The following FAM133B variants were observed in gnomAD, a reference collection of about 807,000 sequenced individuals.
FAM133B encodes family with sequence similarity 133 member B.
In FAM133B, 25 loss-of-function variants were observed where a neutral mutation model predicts 46.4. That is an observed-to-expected ratio of 0.54 (90% confidence interval 0.39 to 0.75). FAM133B has a LOEUF of 0.75. Among genes scored for constraint, FAM133B ranks in the 30% least tolerant of loss-of-function variants. FAM133B has a pLI of 0.00. For synonymous variants in FAM133B, 75 were observed against 86.0 expected (o/e 0.87, Z 0.71); for missense variants, 205 against 277.6 (o/e 0.74, Z 1.86).
At chr7:92,577,051 AACTT>A (rs910013097) in intron 7 of FAM133B, 48 bp downstream of exon 7, 43 of 1,175,358 alleles carry the variant, frequency 3.7e-5, no homozygotes, top group Non-Finnish European at 4.7e-5. Flanking sequence ...TAGGCAGAAA[AACTT>A]AATTAAATGT....
At chr7:92,589,021 GGCT>G (rs751483066) in intron 1 of FAM133B, among the ~76,000 whole-genome samples, 4 of 152,082 alleles carry the variant, frequency 2.6e-5, no homozygotes, top group Non-Finnish European at 5.9e-5. Context: ...TGCAAGAACT[GGCT>G]ACTACAGATG....
At chr7:92,573,066 A>C (rs1157255466) in intron 8 of FAM133B, among the ~76,000 whole-genome samples, 1 of 152,082 alleles carries the variant, frequency 6.6e-6, no homozygotes, top group Non-Finnish European at 1.5e-5. Context: ...ATTTATGAAC[A>C]CATACTAATA....
chr7:92,566,903 G>A (rs942839870), intron 9 of FAM133B, among the ~76,000 whole-genome samples: 1 of 152,150 alleles, frequency 6.6e-6, no homozygotes, highest in South Asian at 2.1e-4. Context: ...TTTTGAGTGT[G>A]GTACACTGGA....
rs143115660 is a variant in FAM133B, at chr7:92,588,692, G to A, written c.24+1576C>T. Among the ~76,000 whole-genome samples the A allele has an allele frequency of 2.7e-3, 414 of 152,250 alleles. 2 individuals carry two copies. Among genetic ancestry groups the A allele is most frequent in the African/African-American group, 9.4e-3 (390 of 41,530 alleles). ...CCCAATGTTGGAGGTGGGGCCTGGT[G>A]GGAGGTGACTGGATCATGGGGGCGG... is the stretch of plus-strand genomic sequence containing the variant. On this transcript the variant is annotated intron_variant, in intron 1 of 10. Coordinates refer to ENST00000445716, the MANE Select transcript of FAM133B (RefSeq NM_152789.4).
intron 8 of FAM133B, among the ~76,000 whole-genome samples, chr7:92,570,220 T>A (rs1794485347): frequency 6.6e-6 from 1 of 152,152 alleles, no homozygotes; most frequent in Non-Finnish European, 1.5e-5. Flanking sequence ...GGTTCCTTTG[T>A]ATTCTAATTC....
At chr7:92,587,906 G>A (rs1217358441) in intron 1 of FAM133B, among the ~76,000 whole-genome samples, 1 of 152,086 alleles carries the variant, frequency 6.6e-6, no homozygotes, top group Non-Finnish European at 1.5e-5. Flanking sequence ...CTATGCACGA[G>A]TGGGGTCAGG....
intron 7 of FAM133B, among the ~76,000 whole-genome samples, 157 bp downstream of exon 7, chr7:92,576,946 T>A (rs1203282190): frequency 2.6e-5 from 4 of 152,212 alleles, no homozygotes; most frequent in African/African-American, 7.2e-5. Flanking sequence ...TTATTAAATG[T>A]CACATGCAAG....
chr7:92,582,736 AT>A lies in FAM133B; in HGVS notation c.25-1134del, dbSNP rs1400173701. ...AAATGGCCAATAAACACATAAAAAA[AT>A]GTTCAATATCACTAGTCATTAGGGA... On this transcript the variant is annotated intron_variant, in intron 1 of 10. Transcript: ENST00000445716. 2.6e-5 allele frequency among the ~76,000 whole-genome samples: 4 copies of A among 152,376 alleles called. No individual in the cohort carries two copies. In the South Asian group the frequency reaches 6.2e-4, roughly 24 times the overall value.
Position 92,569,859 on chromosome 7 carries a change from T to C in FAM133B, c.573A>G (p.Ser191=). The change falls in exon 9 of 11, where the codon TCA becomes TCG. Residue 191 remains serine, a synonymous_variant. Coordinates refer to ENST00000445716, the MANE Select transcript of FAM133B (RefSeq NM_152789.4). ...RKMYSEDKPL[S]SESLSESEYI... is the part of the protein sequence containing the mutation. ...ACTCTGATTCTGACAAGGACTCAGA[T>C]GATAAAGGTTTATCTTCAGAATACA... 6.9e-7 allele frequency: 1 copy of C among 1,445,140 alleles called. No individual in the cohort carries two copies. The highest frequency in any genetic ancestry group is 9.1e-7 in the Non-Finnish European group (1 of 1,100,712). The allele number at this position is 1,445,140 out of a possible 1,614,324, so 89.5% of individuals were successfully genotyped here. A position where few individuals can be genotyped will look rare whatever the true frequency, so the allele number is the denominator to read the frequency against.
chr7:92,581,695 TA>T, intron 1 of FAM133B, 92 bp from the exon 2 acceptor site: 1 of 933,134 alleles, frequency 1.1e-6, no homozygotes, highest in East Asian at 2.5e-5. Flanking sequence ...TATAAATGCA[TA>T]ATATATCCAG....
At chr7:92,590,141 TG>T in intron 1 of FAM133B, 126 bp downstream of exon 1, 1 of 1,431,322 alleles carries the variant, frequency 7.0e-7, no homozygotes, top group Non-Finnish European at 9.7e-7. Context: ...CGGAGGGTGC[TG>T]GGTCTCCAGG....
chr7:92,579,380 C>G lies in FAM133B; in HGVS notation c.138G>C (p.Glu46Asp), dbSNP rs1394691242. 1 of 1,606,614 alleles carries G rather than the reference C, an allele frequency of 6.2e-7. No homozygotes were observed. The highest frequency in any genetic ancestry group is 2.2e-5 in the East Asian group (1 of 44,788). The change falls in exon 3 of 11, where the codon GAG (glutamate) becomes GAC (aspartate). Residue 46 changes from glutamate (E) to aspartate (D), a missense_variant. Glu to Asp is a conservative substitution (Grantham distance 45). Transcript: ENST00000445716. ...RPRPTWEEVK[E>D]QLEKKKKGSK... ...AGCCTTTCTTTTTCTTTTCTAGTTG[C>G]TCTTTTACTTCTTCCCTTAAAAAAT...
intron 10 of FAM133B, chr7:92,565,665 GTGTTAGCCA>G (rs1794325511): frequency 5.2e-6 from 1 of 192,792 alleles, no homozygotes; most frequent in Non-Finnish European, 1.1e-5. Context: ...GGGTTTCACC[GTGTTAGCCA>G]GGATGGTCTC....
At chr7:92,589,531 A>C (rs1183913767) in intron 1 of FAM133B, among the ~76,000 whole-genome samples, 2 of 152,212 alleles carry the variant, frequency 1.3e-5, no homozygotes, top group African/African-American at 2.4e-5. Flanking sequence ...GGTTGTAGAT[A>C]ATAATGATCC....
intron 1 of FAM133B, among the ~76,000 whole-genome samples, chr7:92,589,302 C>A (rs1795122841): frequency 6.6e-6 from 1 of 152,210 alleles, no homozygotes; most frequent in Non-Finnish European, 1.5e-5. Context: ...CCCCTCCCCG[C>A]CCCAGCGGTC....
intron 1 of FAM133B, among the ~76,000 whole-genome samples, chr7:92,587,511 G>C (rs142394023): frequency 8.5e-5 from 13 of 152,192 alleles, no homozygotes; most frequent in Non-Finnish European, 1.8e-4. Flanking sequence ...CGGGAGGATT[G>C]CTTGAGGCCA....
chr7:92,573,313 C>T (rs1794593400), intron 8 of FAM133B, among the ~76,000 whole-genome samples: 2 of 151,816 alleles, frequency 1.3e-5, no homozygotes, highest in Non-Finnish European at 2.9e-5. Context: ...GACTACCACA[C>T]CTGGCTAATT....
chr7:92,590,107 CGGCG>C, intron 1 of FAM133B, 157 bp downstream of exon 1: 3 of 1,021,402 alleles, frequency 2.9e-6, no homozygotes, highest in South Asian at 3.2e-5. Flanking sequence ...ACTGCGTGCG[CGGCG>C]CACGCGCATC....
intron 4 of FAM133B, 23 bp from the exon 5 acceptor site, chr7:92,578,205 G>C (rs1468855881): frequency 6.2e-7 from 1 of 1,611,624 alleles, no homozygotes; most frequent in Admixed American, 1.7e-5. Flanking sequence ...AAAAGTACAA[G>C]TCTAAATAAG....
Sources: allele counts gnomAD v4.1 joint callset (sites outside exome capture counted in the v4.1 genomes callset), GRCh38; gene constraint gnomAD v4.1.1; transcripts MANE v1.5; gene names NCBI Gene and HGNC (gene_info 2026-07-23, HGNC 2026-07-21).